Variants in CACNA1B observed in about 807,000 individuals in gnomAD.
The protein encoded by CACNA1B is calcium voltage-gated channel subunit alpha1 B, also known as voltage-dependent N-type calcium channel subunit alpha-1B.
A neutral mutation model predicts 247.2 loss-of-function variants in CACNA1B; 70 were observed. That is an observed-to-expected ratio of 0.28 (90% CI 0.23 to 0.35). The LOEUF (loss-of-function observed/expected upper bound fraction) is 0.35. Ranked by LOEUF, CACNA1B falls within the 10% of genes least tolerant of loss-of-function variation. The pLI is 1.00. For synonymous variants in CACNA1B, 1,231 were observed against 1,294.4 expected, an observed-to-expected ratio of 0.95 and a Z score of 1.05; for missense variants, 2,367 against 3,197.4, an observed-to-expected ratio of 0.74 and a Z score of 6.26.
intron 3 of CACNA1B, among the ~76,000 whole-genome samples, chr9:137,885,406 C>G (rs1488971460): frequency 6.6e-6 from 1 of 152,192 alleles, no homozygotes; most frequent in African/African-American, 2.4e-5. Flanking sequence ...TCACCTCACC[C>G]CTGTGAGCCA....
rs1959592464 is a variant in CACNA1B, at chr9:138,058,398, G to A, written c.4308+148G>A. 2 of 949,366 alleles carry A rather than the reference G, an allele frequency of 2.1e-6. No individual in the cohort carries two copies. The highest frequency in any genetic ancestry group is 3.3e-6 in the Non-Finnish European group (2 of 613,576). The allele number at this position is 949,366 out of a possible 1,614,324, so 58.8% of individuals were successfully genotyped here. A position where few individuals can be genotyped will look rare whatever the true frequency, so the allele number is the denominator to read the frequency against. ...GGCAGGTCCTCCTTTCTCCTGCAGA[G>A]GGACCGGATTTGGCTGGTTGAGGCC... On this transcript the variant is annotated intron_variant, in intron 28 of 46. Transcript: ENST00000371372. The surrounding 1 kb of genome is among the most constrained non-coding windows in gnomAD (Gnocchi z 4.7).
In CACNA1B at chr9:138,054,940, T is replaced by A. The variant is rs1044784168; in HGVS notation, c.3968+934T>A. ...GATTGGCCGCTTAGGTGTTCTTTTC[T>A]GGAAGTGTCTGCCTGTGGTCCTGTG... On this transcript the variant is annotated intron_variant, in intron 26 of 46. Transcript: ENST00000371372. This position sits in a 1 kb window ranked among gnomAD's most constrained non-coding sequence, Gnocchi z 4.6. Among the ~76,000 whole-genome samples, 10 of 152,136 alleles carry A rather than the reference T, an allele frequency of 6.6e-5. No homozygotes were observed. The highest frequency in any genetic ancestry group is 2.4e-4 in the African/African-American group (10 of 41,422).
intron 3 of CACNA1B, among the ~76,000 whole-genome samples, chr9:137,902,768 C>T (rs2133261043): frequency 6.6e-6 from 1 of 152,288 alleles, no homozygotes; most frequent in Non-Finnish European, 1.5e-5. Flanking sequence ...GCGGGCACCC[C>T]CCTCCTGTCG....
intron 15 of CACNA1B, among the ~76,000 whole-genome samples, chr9:137,992,656 G>A (rs943283265): frequency 3.3e-5 from 5 of 152,090 alleles, no homozygotes; most frequent in African/African-American, 9.7e-5. Context: ...ATCAGCACAT[G>A]GAACATTCTC....
chr9:138,009,033 T>C (rs1243530068), intron 16 of CACNA1B, among the ~76,000 whole-genome samples: 5 of 152,202 alleles, frequency 3.3e-5, no homozygotes, highest in African/African-American at 1.2e-4. Context: ...GTGGTGGTTC[T>C]GGGAAACTGT....
chr9:138,069,562 T>TCACC (rs1316517623), intron 31 of CACNA1B, among the ~76,000 whole-genome samples, 196 bp from the exon 32 acceptor site: 1 of 152,242 alleles, frequency 6.6e-6, no homozygotes, highest in African/African-American at 2.4e-5. Context: ...TTTTTGCTTG[T>TCACC]GTTGATGACT....
chr9:137,887,170 C>T (rs1380608345), intron 3 of CACNA1B, among the ~76,000 whole-genome samples: 2 of 151,828 alleles, frequency 1.3e-5, no homozygotes, highest in African/African-American at 4.8e-5. Context: ...GAGGCCTCTG[C>T]AGAGGCCACG....
chr9:138,010,267 G>A lies in CACNA1B; in HGVS notation c.2160+190G>A, dbSNP rs557663648. ...AGGATGCAGGGAGAGCCAAAGCCCCGAAGGCAGATGGACAGGCAGGCTCTC... is the reference window on the plus strand; with the variant it reads ...AGGATGCAGGGAGAGCCAAAGCCCCAAAGGCAGATGGACAGGCAGGCTCTC... On this transcript the variant is annotated intron_variant, in intron 17 of 46. Transcript: ENST00000371372. This position sits in a 1 kb window ranked among gnomAD's most constrained non-coding sequence, Gnocchi z 5.3. Among the ~76,000 whole-genome samples, 25 of 152,178 alleles carry A rather than the reference G, an allele frequency of 1.6e-4. No individual in the cohort carries two copies. Among genetic ancestry groups the A allele is most frequent in the Non-Finnish European group, 2.8e-4 (19 of 68,016 alleles).
intron 15 of CACNA1B, among the ~76,000 whole-genome samples, chr9:137,994,065 T>C (rs1958466874): frequency 6.6e-6 from 1 of 152,140 alleles, no homozygotes. Flanking sequence ...ATAAATGTGA[T>C]AACACCACAT....
intron 12 of CACNA1B, among the ~76,000 whole-genome samples, chr9:137,978,054 C>A (rs1958244095): frequency 7.0e-6 from 1 of 142,562 alleles, no homozygotes; most frequent in Non-Finnish European, 1.5e-5. Flanking sequence ...ACTACCCTCC[C>A]CCCCAGGAAG....
intron 36 of CACNA1B, among the ~76,000 whole-genome samples, chr9:138,082,989 G>A (rs146986556): frequency 2.6e-5 from 4 of 151,004 alleles, no homozygotes; most frequent in African/African-American, 9.8e-5. Flanking sequence ...CCTTTGGTGA[G>A]GAGGTAAGCA....
chr9:138,096,353 G>T (rs1961055355), intron 36 of CACNA1B, 131 bp from the exon 37 acceptor site: 2 of 714,364 alleles, frequency 2.8e-6, no homozygotes. Context: ...AGCAGATCGG[G>T]CATGTGCTGG....
At chr9:138,078,833 A>G (rs923405875) in intron 36 of CACNA1B, among the ~76,000 whole-genome samples, 1 of 152,198 alleles carries the variant, frequency 6.6e-6, no homozygotes, top group Non-Finnish European at 1.5e-5. Flanking sequence ...TTTTAAAAGT[A>G]GAGCTGGCAC....
At position 137,946,194 on chromosome 9, in the gene CACNA1B, T is replaced by C. The variant is rs551272859; in HGVS notation, c.967-6080T>C. ...CCATACAAGATGCCTTTTTATATAA[T>C]ATAAAATCTCTTTTATGTATAAACT... On this transcript the variant is annotated intron_variant, in intron 6 of 46. Coordinates refer to ENST00000371372, the MANE Select transcript of CACNA1B (RefSeq NM_000718.4). Among the ~76,000 whole-genome samples the C allele has an allele frequency of 2.6e-5, 4 of 152,312 alleles. No homozygotes were observed. The South Asian group carries it at 8.3e-4, about 32-fold the overall frequency.
At chr9:138,093,511 C>CAGG in intron 36 of CACNA1B, among the ~76,000 whole-genome samples, 1 of 151,518 alleles carries the variant, frequency 6.6e-6, no homozygotes, top group South Asian at 2.1e-4. Flanking sequence ...GAGTCCAAGG[C>CAGG]AGGCAGATCA....
chr9:137,977,483 G>A (rs1156584728), intron 12 of CACNA1B, among the ~76,000 whole-genome samples: 1 of 149,370 alleles, frequency 6.7e-6, no homozygotes, highest in Non-Finnish European at 1.5e-5. Context: ...AACTTATGTA[G>A]GTAGGGAGGC....
At chr9:137,886,238 A>G (rs1957009820) in intron 3 of CACNA1B, among the ~76,000 whole-genome samples, 3 of 151,044 alleles carry the variant, frequency 2.0e-5, no homozygotes, top group South Asian at 2.1e-4. Context: ...TGGGGTGAGG[A>G]CAGGGGTCCG....
chr9:138,008,575 C>T (rs1032121826), intron 16 of CACNA1B, among the ~76,000 whole-genome samples: 1 of 152,174 alleles, frequency 6.6e-6, no homozygotes, highest in Admixed American at 6.5e-5. Context: ...GGGCACCTGT[C>T]CAGCCAGAGA....
intron 23 of CACNA1B, among the ~76,000 whole-genome samples, chr9:138,048,295 C>T (rs370857039): frequency 1.3e-5 from 2 of 152,220 alleles, no homozygotes; most frequent in African/African-American, 4.8e-5. Flanking sequence ...TGCGTAACTG[C>T]AGTCCTGCTG....
Sources: allele counts gnomAD v4.1 joint callset (sites outside exome capture counted in the v4.1 genomes callset), GRCh38; gene constraint gnomAD v4.1.1; non-coding constraint Gnocchi (gnomAD v3.1); transcripts MANE v1.5; gene names NCBI Gene and HGNC (gene_info 2026-07-23, HGNC 2026-07-21).